RNF111: variants seen among roughly 807,000 people sequenced by gnomAD.
RNF111 encodes the protein E3 ubiquitin-protein ligase Arkadia.
Under a neutral mutation model 95.1 loss-of-function variants are expected in RNF111, and 17 were observed. That is an observed-to-expected ratio of 0.18 (90% CI 0.12 to 0.27). The LOEUF is 0.27. Among genes scored for constraint, RNF111 ranks in the 10% least tolerant of loss-of-function variants. The probability of loss-of-function intolerance (pLI) is 1.00; values close to 1 mark genes in which losing one functional copy is unlikely to be tolerated. For synonymous variants in RNF111, 440 were observed against 414.8 expected, an observed-to-expected ratio of 1.06 and a Z score of -0.74; for missense variants, 1,189 against 1,210.4, an observed-to-expected ratio of 0.98 and a Z score of 0.26.
intron 1 of RNF111, among the ~76,000 whole-genome samples, chr15:58,995,745 T>C (rs1338247712): frequency 1.3e-5 from 2 of 149,964 alleles, no homozygotes; most frequent in African/African-American, 4.9e-5. Context: ...ATTACAGGCA[T>C]GAGATGCCGT....
chr15:59,087,899 C>G (rs1355074194), intron 10 of RNF111, among the ~76,000 whole-genome samples: 1 of 152,092 alleles, frequency 6.6e-6, no homozygotes, highest in African/African-American at 2.4e-5. Context: ...GGTTATTGGT[C>G]TTTTGTGTCA....
chr15:58,991,545 G>A (rs2038818340), intron 1 of RNF111, among the ~76,000 whole-genome samples: 1 of 152,156 alleles, frequency 6.6e-6, no homozygotes, highest in Admixed American at 6.6e-5. Context: ...GGCATGGATG[G>A]AAGTGGTTTT....
chr15:59,028,305 CA>C (rs1348291802), intron 1 of RNF111, among the ~76,000 whole-genome samples: 2 of 152,042 alleles, frequency 1.3e-5, no homozygotes, highest in Non-Finnish European at 2.9e-5. Context: ...TAGCTTGAGT[CA>C]GTATGGTAGT....
At chr15:59,089,507 C>T (rs1449406372) in intron 10 of RNF111, among the ~76,000 whole-genome samples, 160 bp from the exon 11 acceptor site, 1 of 152,126 alleles carries the variant, frequency 6.6e-6, no homozygotes, top group Non-Finnish European at 1.5e-5. Context: ...AAACCTAAAC[C>T]TGTTACAGAA....
At chr15:59,089,644 G>C in intron 10 of RNF111, 23 bp from the exon 11 acceptor site, 1 of 1,536,844 alleles carries the variant, frequency 6.5e-7, no homozygotes, top group South Asian at 1.1e-5. Context: ...AATTGATTTA[G>C]CCTATCTCTT....
At chr15:59,037,118 G>A (rs922135513) in intron 2 of RNF111, among the ~76,000 whole-genome samples, 1 of 151,928 alleles carries the variant, frequency 6.6e-6, no homozygotes, top group Non-Finnish European at 1.5e-5. Context: ...TTACAGGTGT[G>A]AGCCACTGCA....
At chr15:59,092,734 G>A (rs553803946) in intron 13 of RNF111, 94 bp downstream of exon 13, 16 of 1,259,862 alleles carry the variant, frequency 1.3e-5, no homozygotes, top group Middle Eastern at 2.5e-4. Flanking sequence ...TGGCTCACAC[G>A]TGTAATTCCA....
chr15:59,028,854 A>G (rs2040758518), intron 1 of RNF111, among the ~76,000 whole-genome samples: 1 of 150,636 alleles, frequency 6.6e-6, no homozygotes, highest in Non-Finnish European at 1.5e-5. Flanking sequence ...GTCCCAGCTC[A>G]CTGTAACCTC....
At chr15:59,074,181 G>C (rs749344397) in intron 6 of RNF111, among the ~76,000 whole-genome samples, 1 of 152,100 alleles carries the variant, frequency 6.6e-6, no homozygotes, top group African/African-American at 2.4e-5. Flanking sequence ...AATAGATTTA[G>C]CATAAATCTT....
intron 6 of RNF111, among the ~76,000 whole-genome samples, chr15:59,068,024 G>A (rs1233914163): frequency 3.3e-5 from 5 of 152,184 alleles, no homozygotes; most frequent in African/African-American, 9.7e-5. Context: ...ATCACGTGGA[G>A]TAAAAGAAGT....
At chr15:59,064,902 C>G (rs2042592508) in intron 5 of RNF111, among the ~76,000 whole-genome samples, 1 of 152,016 alleles carries the variant, frequency 6.6e-6, no homozygotes, top group South Asian at 2.1e-4. Flanking sequence ...CTGAATCTTA[C>G]CAAGCAGAGC....
At chr15:59,054,956 C>A (rs961154922) in intron 3 of RNF111, among the ~76,000 whole-genome samples, 1 of 152,144 alleles carries the variant, frequency 6.6e-6, no homozygotes, top group African/African-American at 2.4e-5. Context: ...TACATATTAT[C>A]CCTGTATGTC....
intron 1 of RNF111, among the ~76,000 whole-genome samples, chr15:59,011,627 C>T (rs570643087): frequency 1.3e-5 from 2 of 152,296 alleles, no homozygotes; most frequent in East Asian, 1.9e-4. Context: ...TGTGTTCTCA[C>T]ATAATCTTTT....
At chr15:58,994,142 A>T (rs1307344673) in intron 1 of RNF111, among the ~76,000 whole-genome samples, 1 of 141,668 alleles carries the variant, frequency 7.1e-6, no homozygotes, top group Non-Finnish European at 1.5e-5. Flanking sequence ...GCTTCAAGTG[A>T]TTTTCCTGAC....
Position 59,076,905 on chromosome 15 carries a change from TTG to T in RNF111, c.1948+694_1948+695del, listed in dbSNP as rs2078580794. 2.6e-5 allele frequency among the ~76,000 whole-genome samples: 4 copies of T among 152,112 alleles called. No homozygotes were observed. The South Asian group carries it at 8.3e-4, about 31-fold the overall frequency. ...TGAACCAGGAAGTCAGCAAGGAAAT[TTG>T]TGTTTTGTTTTGATTACATGGCAAG... On this transcript the variant is annotated intron_variant, in intron 7 of 13. Coordinates refer to ENST00000348370, the MANE Select transcript of RNF111 (RefSeq NM_017610.8).
chr15:59,086,627 C>T (rs2078908014), intron 10 of RNF111, among the ~76,000 whole-genome samples: 1 of 152,174 alleles, frequency 6.6e-6, no homozygotes, highest in Admixed American at 6.5e-5. Context: ...TTCAGAGAAG[C>T]TTTCTGGTAC....
rs772570364 is a variant in RNF111 at position 59,092,600 on chromosome 15, A to G, written c.2803A>G (p.Thr935Ala). The G allele has an allele frequency of 6.2e-7, 1 of 1,612,620 alleles. No homozygotes were observed. The highest frequency in any genetic ancestry group is 8.5e-7 in the Non-Finnish European group (1 of 1,178,920). The change falls in exon 13 of 14, where the codon ACT becomes GCT. Residue 935 changes from threonine (T) to alanine (A), a missense_variant. Physicochemically the swap from Thr to Ala is moderately conservative, Grantham distance 58. This residue lies in a region of RNF111 where 165 missense variants were observed against 284.6 expected (regional missense o/e 0.58). Transcript: ENST00000348370. The stretch of plus-strand genomic sequence containing the variant: ...TGAGGAAGACACAGAGGAAAAATGT[A>G]CTATCTGTTTGTCTATTTTAGAGGA... ...GTEEDTEEKCTICLSILEEGE... is the reference protein window; with the variant it reads ...GTEEDTEEKCAICLSILEEGE...
intron 6 of RNF111, among the ~76,000 whole-genome samples, chr15:59,068,925 A>G (rs2042786115): frequency 6.6e-6 from 1 of 151,916 alleles, no homozygotes; most frequent in African/African-American, 2.4e-5. Flanking sequence ...AAATACAAAA[A>G]TTAGTTGGGT....
chr15:59,081,388 T>A, intron 8 of RNF111, 104 bp downstream of exon 8: 1 of 949,714 alleles, frequency 1.1e-6, no homozygotes, highest in Non-Finnish European at 1.6e-6. Context: ...CATGCACTTG[T>A]AGTCACAGCT....
Sources: gnomAD v4.1 joint callset for allele counts (sites outside exome capture counted in the v4.1 genomes callset) on GRCh38, gnomAD v4.1.1 for gene constraint, gnomAD v4.1.1 regional missense constraint, MANE v1.5 for transcripts, NCBI Gene and HGNC (gene_info 2026-07-23, HGNC 2026-07-21) for gene names.